ARID2: variants seen among roughly 807,000 people sequenced by gnomAD.
ARID2 encodes AT-rich interactive domain-containing protein 2.
A neutral mutation model predicts 184.6 loss-of-function variants in ARID2; 32 were observed. The ratio of observed to expected loss-of-function variants is 0.17; its 90% CI spans 0.13 to 0.23. The LOEUF (loss-of-function observed/expected upper bound fraction) is 0.23, where lower values mean the gene tolerates loss of function less well. ARID2 is among the 10% of genes least tolerant of loss of function. The probability of loss-of-function intolerance (pLI) is 1.00; values close to 1 mark genes in which losing one functional copy is unlikely to be tolerated. For synonymous variants in ARID2, 836 were observed against 772.6 expected (o/e 1.08, Z -1.36); for missense variants, 1,696 against 2,197.6 (o/e 0.77, Z 4.56).
chr12:45,738,805 T>TTTTTC (rs1332539211), intron 3 of ARID2, among the ~76,000 whole-genome samples: 2 of 109,098 alleles, frequency 1.8e-5, no homozygotes, highest in Non-Finnish European at 4.2e-5. Flanking sequence ...TTTTTTTTTT[T>TTTTTC]TTTTTTTTAA....
At chr12:45,795,599 A>AT (rs561687494) in intron 3 of ARID2, among the ~76,000 whole-genome samples, 29 of 150,458 alleles carry the variant, frequency 1.9e-4, no homozygotes, top group African/African-American at 6.8e-4. Context: ...CGCCTGGTTA[A>AT]TTTTTTTTTG....
intron 3 of ARID2, among the ~76,000 whole-genome samples, chr12:45,733,579 C>T (rs921121513): frequency 1.3e-5 from 2 of 152,144 alleles, no homozygotes; most frequent in Non-Finnish European, 2.9e-5. Flanking sequence ...GTAAGACTGT[C>T]ATTATATGTG....
chr12:45,788,408 A>G (rs749211459), intron 3 of ARID2, among the ~76,000 whole-genome samples: 17 of 152,196 alleles, frequency 1.1e-4, no homozygotes, highest in Non-Finnish European at 1.9e-4. Flanking sequence ...ATTCAGTTCC[A>G]AGTTTGATTT....
chr12:45,805,905 C>A (rs2138074644), intron 3 of ARID2, among the ~76,000 whole-genome samples: 1 of 152,230 alleles, frequency 6.6e-6, no homozygotes, highest in East Asian at 1.9e-4. Context: ...CCAGCATCTC[C>A]CTTTTTCCCC....
chr12:45,843,329 A>C (rs11183220), intron 11 of ARID2, among the ~76,000 whole-genome samples: 12,113 of 150,076 alleles, frequency 0.081, 664 homozygotes, highest in Middle Eastern at 0.12. Flanking sequence ...TTTCTGGGCT[A>C]CATTCCCTGA....
chr12:45,858,401 C>G (rs1337732740), intron 15 of ARID2, among the ~76,000 whole-genome samples: 2 of 152,136 alleles, frequency 1.3e-5, no homozygotes, highest in Non-Finnish European at 2.9e-5. Flanking sequence ...TTTATACTTT[C>G]CTTGCTCTTT....
intron 3 of ARID2, among the ~76,000 whole-genome samples, chr12:45,794,418 C>A (rs922401226): frequency 1.3e-5 from 2 of 152,178 alleles, no homozygotes; most frequent in African/African-American, 4.8e-5. Flanking sequence ...GAACCCTTTG[C>A]TCTATCTCTT....
At chr12:45,846,995 A>G (rs1391825211) in intron 12 of ARID2, 58 bp downstream of exon 12, 1 of 1,493,128 alleles carries the variant, frequency 6.7e-7, no homozygotes, top group African/African-American at 1.4e-5. Context: ...CAAAGAAAAA[A>G]AGGAAATGTA....
chr12:45,834,595 T>A (rs1943180912), intron 6 of ARID2, among the ~76,000 whole-genome samples: 1 of 152,190 alleles, frequency 6.6e-6, no homozygotes, highest in East Asian at 1.9e-4. Flanking sequence ...GTACAAAAAT[T>A]AGTTGGGCAT....
In ARID2 at chr12:45,905,706, TA is replaced by T. The variant is rs1414803720; in HGVS notation, c.*629del. On this transcript the variant is annotated 3_prime_UTR_variant, in exon 21 of 21. Coordinates refer to ENST00000334344, the MANE Select transcript of ARID2 (RefSeq NM_152641.4). ...AATAGATCTTGTAAATATTTGTGAA[TA>T]GAATGAATACCTTTCATGCCACTGC... The T allele has an allele frequency of 2.1e-5, 5 of 232,814 alleles. No individual in the cohort carries two copies. The highest frequency in any genetic ancestry group is 3.6e-4 in the South Asian group (2 of 5,528). 14.4% of individuals were successfully genotyped at this position (232,814 alleles called of 1,614,324 possible). A position where few individuals can be genotyped will look rare whatever the true frequency, so the allele number is the denominator to read the frequency against.
At chr12:45,746,008 C>G (rs1941348608) in intron 3 of ARID2, among the ~76,000 whole-genome samples, 1 of 150,840 alleles carries the variant, frequency 6.6e-6, no homozygotes, top group Admixed American at 6.6e-5. Flanking sequence ...TTTAAATAAC[C>G]AAGGATACTC....
intron 20 of ARID2, among the ~76,000 whole-genome samples, chr12:45,896,286 A>G (rs896430552): frequency 6.6e-6 from 1 of 152,188 alleles, no homozygotes; most frequent in Non-Finnish European, 1.5e-5. Flanking sequence ...TGCCCAGGGA[A>G]AGAGGTGCTA....
At chr12:45,794,204 C>T (rs574662964) in intron 3 of ARID2, among the ~76,000 whole-genome samples, 82 of 152,308 alleles carry the variant, frequency 5.4e-4, no homozygotes, top group South Asian at 3.1e-3. Flanking sequence ...AAGCACTTAC[C>T]ACACACTGTG....
chr12:45,787,367 AC>A (rs1219206114), intron 3 of ARID2, among the ~76,000 whole-genome samples: 1 of 151,566 alleles, frequency 6.6e-6, no homozygotes, highest in Non-Finnish European at 1.5e-5. Flanking sequence ...GCAAGCATGC[AC>A]CAATATGTCT....
rs1393739061 is a variant in ARID2 at position 45,848,925 on chromosome 12, C to T, written c.1670C>T (p.Ala557Val). Residue 557 changes from alanine to valine, a missense_variant, in exon 13 of 21, where the codon GCT (alanine) becomes GTT (valine). By Grantham distance (64) the Ala-to-Val change is moderately conservative. This residue lies in a region of ARID2 where 713 missense variants were observed against 824.4 expected (regional missense o/e 0.86). Transcript: ENST00000334344. ...TACCTCTCGACTTGCAGTAAATTAG[C>T]TCGTGGTGGAATCCTAACATCAACT... ...SEYLSTCSKL[A>V]RGGILTSTGF... 1.2e-6 allele frequency: 2 copies of T among 1,612,388 alleles called. No homozygotes were observed. Among genetic ancestry groups the T allele is most frequent in the Non-Finnish European group, 1.7e-6 (2 of 1,179,038 alleles).
At position 45,850,854 on chromosome 12, in the gene ARID2, G is replaced by A. The variant is rs1293818717; in HGVS notation, c.2731G>A (p.Val911Ile). 6.2e-7 allele frequency: 1 copy of A among 1,614,056 alleles called. No individual in the cohort carries two copies. Among genetic ancestry groups the A allele is most frequent in the Non-Finnish European group, 8.5e-7 (1 of 1,180,006 alleles). The change falls in exon 15 of 21, where the codon GTA becomes ATA. Residue 911 changes from valine to isoleucine, a missense_variant. Val to Ile is a conservative substitution (Grantham distance 29). Around this residue, in one of 11 missense-constraint regions of ARID2, gnomAD observed 713 missense variants for 824.4 expected, o/e 0.86. Transcript: ENST00000334344. ...TTCTCAGCAAGTTTCATCTACAGTG[G>A]TACAGCAGCCTATTCAACAACCACA... The part of the protein sequence containing the change: ...LPSQQVSSTV[V>I]QQPIQQPQQP...
rs577896317 is a variant in ARID2, at chr12:45,733,508, G to T, written c.284+2194G>T. ...TACTGATGAGCAGATAATGCAGTGT[G>T]TTTTTTAAATTACAAGTGGAATAAT... On this transcript the variant is annotated intron_variant, in intron 3 of 20. Coordinates refer to ENST00000334344, the MANE Select transcript of ARID2 (RefSeq NM_152641.4). 7.2e-5 allele frequency among the ~76,000 whole-genome samples: 11 copies of T among 152,252 alleles called. No homozygotes were observed. In the East Asian group the frequency reaches 2.1e-3, roughly 29 times the overall value.
At chr12:45,764,305 A>G (rs1479301318) in intron 3 of ARID2, among the ~76,000 whole-genome samples, 2 of 152,126 alleles carry the variant, frequency 1.3e-5, no homozygotes, top group African/African-American at 2.4e-5. Context: ...TGCTAACTCT[A>G]TGTTGTTGGA....
At chr12:45,769,439 A>G (rs1941828441) in intron 3 of ARID2, among the ~76,000 whole-genome samples, 3 of 152,232 alleles carry the variant, frequency 2.0e-5, no homozygotes, top group Non-Finnish European at 4.4e-5. Flanking sequence ...ACAGATTTGT[A>G]CTGGCAGAAG....
Sources: allele counts gnomAD v4.1 joint callset (sites outside exome capture counted in the v4.1 genomes callset), GRCh38; gene constraint gnomAD v4.1.1; regional missense constraint gnomAD v4.1.1; transcripts MANE v1.5; gene names NCBI Gene and HGNC (gene_info 2026-07-23, HGNC 2026-07-21).